The following CTNNA2 variants were observed in gnomAD, a reference collection of about 807,000 sequenced individuals.
The protein encoded by CTNNA2 is catenin alpha-2.
A neutral mutation model predicts 101.0 loss-of-function variants in CTNNA2; 42 were observed. The observed-to-expected ratio is 0.42, with a 90% CI of 0.32 to 0.54. The LOEUF (loss-of-function observed/expected upper bound fraction) is 0.54, where lower values mean the gene tolerates loss of function less well. CTNNA2 is among the 20% of genes least tolerant of loss of function. The pLI, the probability that CTNNA2 is intolerant of heterozygous loss-of-function variation, is 0.14. For missense variants in CTNNA2, 871 were observed against 1,223.1 expected, an observed-to-expected ratio of 0.71 and a Z score of 4.29; for synonymous variants, 450 against 456.4, an observed-to-expected ratio of 0.99 and a Z score of 0.18.
chr2:80,488,227 T>A (rs1258926722), intron 9 of CTNNA2, among the ~76,000 whole-genome samples: 1 of 152,224 alleles, frequency 6.6e-6, no homozygotes, highest in Non-Finnish European at 1.5e-5. Context: ...GATTATAAAT[T>A]GAGATTCTGT....
At chr2:80,037,448 A>G (rs1292125267) in intron 7 of CTNNA2, among the ~76,000 whole-genome samples, 1 of 152,204 alleles carries the variant, frequency 6.6e-6, no homozygotes, top group Non-Finnish European at 1.5e-5. Flanking sequence ...TAATTTTATT[A>G]CTACTCGAAG....
intron 7 of CTNNA2, among the ~76,000 whole-genome samples, chr2:79,956,714 G>T (rs76965073): frequency 6.6e-6 from 1 of 152,142 alleles, no homozygotes; most frequent in Non-Finnish European, 1.5e-5. Flanking sequence ...TATTCCCCTG[G>T]CCACCTTAGT....
chr2:79,485,498 C>T (rs67653609), intron 4 of CTNNA2, among the ~76,000 whole-genome samples: 28,495 of 152,152 alleles, frequency 0.19, 2,833 homozygotes, highest in Middle Eastern at 0.3. Context: ...GTTTGCAAAT[C>T]GCTTTGAAAT....
At chr2:80,629,215 GC>G (rs1304952027) in intron 18 of CTNNA2, among the ~76,000 whole-genome samples, 2 of 152,108 alleles carry the variant, frequency 1.3e-5, no homozygotes, top group Admixed American at 6.5e-5. Context: ...CAAGGAAGGT[GC>G]TGGACATAAC....
At chr2:80,462,168 A>G (rs2149473639) in intron 9 of CTNNA2, among the ~76,000 whole-genome samples, 1 of 152,242 alleles carries the variant, frequency 6.6e-6, no homozygotes, top group Non-Finnish European at 1.5e-5. Context: ...TATGATAACA[A>G]CCTCGGGAGG....
At chr2:79,408,508 T>C (rs1261989122) in intron 4 of CTNNA2, among the ~76,000 whole-genome samples, 6 of 143,812 alleles carry the variant, frequency 4.2e-5, no homozygotes, top group Non-Finnish European at 7.6e-5. Context: ...TCTGTGTCCA[T>C]GTGCTCTCAT....
intron 2 of CTNNA2, among the ~76,000 whole-genome samples, chr2:79,306,169 C>T (rs1021736500): frequency 1.3e-5 from 2 of 151,932 alleles, no homozygotes; most frequent in Non-Finnish European, 2.9e-5. Context: ...CACTTAACTG[C>T]AGAATCTAAA....
chr2:80,244,238 T>G (rs1671156924), intron 7 of CTNNA2, among the ~76,000 whole-genome samples: 1 of 152,252 alleles, frequency 6.6e-6, no homozygotes, highest in Admixed American at 6.5e-5. Flanking sequence ...ACATATGCTT[T>G]GTCTTTCTTT....
chr2:79,509,955 C>T (rs1032920497), upstream of CTNNA2, among the ~76,000 whole-genome samples: 1 of 152,130 alleles, frequency 6.6e-6, no homozygotes, highest in Non-Finnish European at 1.5e-5. Flanking sequence ...CTCAGGAGGG[C>T]TTGATAGTGA....
At chr2:80,540,362 C>A (rs568440089) in intron 9 of CTNNA2, among the ~76,000 whole-genome samples, 1 of 152,038 alleles carries the variant, frequency 6.6e-6, no homozygotes, top group African/African-American at 2.4e-5. Flanking sequence ...TTTGGGAGGC[C>A]GAGGCAAGTG....
chr2:80,632,945 G>A (rs1008530708), intron 18 of CTNNA2, among the ~76,000 whole-genome samples: 2 of 152,150 alleles, frequency 1.3e-5, no homozygotes, highest in African/African-American at 4.8e-5. Flanking sequence ...AGATTACAGA[G>A]TGTCCAAACT....
At chr2:79,370,878 A>C (rs1274979131) in intron 3 of CTNNA2, among the ~76,000 whole-genome samples, 1 of 152,178 alleles carries the variant, frequency 6.6e-6, no homozygotes, top group Non-Finnish European at 1.5e-5. Flanking sequence ...GGAAGGCAGC[A>C]ATCACAGCTT....
chr2:79,910,640 C>T (rs962655116), intron 7 of CTNNA2, among the ~76,000 whole-genome samples: 8 of 152,016 alleles, frequency 5.3e-5, no homozygotes, highest in African/African-American at 1.7e-4. Flanking sequence ...AGTGAGGTCT[C>T]GATATTACAT....
At chr2:79,549,410 G>A (rs940859897) in intron 1 of CTNNA2, among the ~76,000 whole-genome samples, 4 of 152,134 alleles carry the variant, frequency 2.6e-5, no homozygotes, top group Non-Finnish European at 4.4e-5. Flanking sequence ...CATTTACATA[G>A]TATACAAATG....
chr2:79,677,507 A>G (rs67462786), intron 2 of CTNNA2, among the ~76,000 whole-genome samples: 21,469 of 152,214 alleles, frequency 0.14, 1,714 homozygotes, highest in Admixed American at 0.17. Context: ...TAGGAAACAC[A>G]CACACACGTT....
At chr2:80,062,491 T>C (rs770296223) in intron 7 of CTNNA2, among the ~76,000 whole-genome samples, 3 of 152,204 alleles carry the variant, frequency 2.0e-5, no homozygotes, top group Non-Finnish European at 2.9e-5. Flanking sequence ...ACAGGTTCTA[T>C]TGAGCTGACA....
At chr2:79,457,060 G>A (rs1463330929) in intron 4 of CTNNA2, among the ~76,000 whole-genome samples, 1 of 151,916 alleles carries the variant, frequency 6.6e-6, no homozygotes, top group Non-Finnish European at 1.5e-5. Context: ...AAATTAGCCG[G>A]GCGCGGTGGC....
At chr2:79,845,964 C>T (rs188239754) in intron 3 of CTNNA2, among the ~76,000 whole-genome samples, 73 of 148,416 alleles carry the variant, frequency 4.9e-4, no homozygotes, top group South Asian at 8.6e-4. Flanking sequence ...ATTTAAGAAA[C>T]GACCATTTCT....
At chr2:80,577,462 G>A (rs1346490289) in intron 13 of CTNNA2, among the ~76,000 whole-genome samples, 2 of 152,102 alleles carry the variant, frequency 1.3e-5, no homozygotes, top group Non-Finnish European at 2.9e-5. Flanking sequence ...ACTTGACCTA[G>A]AGACCTAAGG....
Sources: gnomAD v4.1 joint callset for allele counts (sites outside exome capture counted in the v4.1 genomes callset) on GRCh38, gnomAD v4.1.1 for gene constraint, MANE v1.5 for transcripts, NCBI Gene and HGNC (gene_info 2026-07-23, HGNC 2026-07-21) for gene names.